ADK: variants seen among roughly 807,000 people sequenced by gnomAD.
ADK encodes the protein N6,N6-dimethyladenosine kinase.
ADK carries 24 observed loss-of-function variants against 44.7 expected under a neutral mutation model. The observed-to-expected ratio is 0.54, with a 90% CI of 0.39 to 0.76. The LOEUF (loss-of-function observed/expected upper bound fraction) is 0.76, where lower values mean the gene tolerates loss of function less well. ADK is among the 30% of genes least tolerant of loss of function. ADK has a pLI of 0.00. For synonymous variants in ADK, 128 were observed against 142.6 expected (o/e 0.90, Z 0.73); for missense variants, 321 against 425.1 (o/e 0.76, Z 2.15).
At chr10:74,516,403 A>C (rs1444012689) in intron 6 of ADK, among the ~76,000 whole-genome samples, 1 of 152,150 alleles carries the variant, frequency 6.6e-6, no homozygotes, top group East Asian at 1.9e-4. Context: ...CACTCCAGTC[A>C]AATCTTAGCT....
intron 7 of ADK, among the ~76,000 whole-genome samples, chr10:74,556,850 G>C (rs1850267591): frequency 6.6e-6 from 1 of 152,160 alleles, no homozygotes; most frequent in South Asian, 2.1e-4. Context: ...TCAGTGCCTG[G>C]TGGTATCAGG....
intron 3 of ADK, among the ~76,000 whole-genome samples, chr10:74,258,725 A>C (rs1390812445): frequency 6.6e-6 from 1 of 152,154 alleles, no homozygotes; most frequent in Non-Finnish European, 1.5e-5. Context: ...AAAATGAAGG[A>C]ATGTAGCTGT....
At chr10:74,687,554 G>A (rs557572299) in intron 10 of ADK, among the ~76,000 whole-genome samples, 68 of 152,268 alleles carry the variant, frequency 4.5e-4, no homozygotes, top group Non-Finnish European at 9.1e-4. Flanking sequence ...AGGGTAATAC[G>A]TGGATGGGCT....
At chr10:74,678,618 T>C (rs147765029) in intron 10 of ADK, among the ~76,000 whole-genome samples, 206 of 152,336 alleles carry the variant, frequency 1.4e-3, no homozygotes, top group African/African-American at 4.7e-3. Flanking sequence ...GCTATCAGAC[T>C]CCAAAGCTCA....
intron 7 of ADK, among the ~76,000 whole-genome samples, chr10:74,540,079 C>G (rs1195611466): frequency 6.6e-6 from 1 of 152,142 alleles, no homozygotes; most frequent in Non-Finnish European, 1.5e-5. Context: ...AGATGAAATG[C>G]TTTTAAATCA....
chr10:74,377,285 G>T (rs1442838811), intron 4 of ADK, among the ~76,000 whole-genome samples: 1 of 152,128 alleles, frequency 6.6e-6, no homozygotes, highest in African/African-American at 2.4e-5. Flanking sequence ...CCTGTAGGCT[G>T]GGAAGCACAG....
At chr10:74,503,088 G>A (rs536876275) in intron 6 of ADK, among the ~76,000 whole-genome samples, 1 of 152,132 alleles carries the variant, frequency 6.6e-6, no homozygotes, top group Admixed American at 6.5e-5. Flanking sequence ...TTTTAGTTCA[G>A]AGGTCAACAA....
chr10:74,480,967 TCTA>T (rs1847049693), intron 6 of ADK, among the ~76,000 whole-genome samples: 1 of 152,220 alleles, frequency 6.6e-6, no homozygotes, highest in Admixed American at 6.5e-5. Flanking sequence ...TTCCATTTCA[TCTA>T]CTTTCTCTCT....
intron 7 of ADK, among the ~76,000 whole-genome samples, chr10:74,566,734 A>G (rs1298339612): frequency 6.6e-6 from 1 of 152,176 alleles, no homozygotes; most frequent in Non-Finnish European, 1.5e-5. Context: ...GTTTTTCTTG[A>G]TGAGAGTTTA....
At chr10:74,366,432 T>A (rs978045745) in intron 4 of ADK, among the ~76,000 whole-genome samples, 3 of 152,104 alleles carry the variant, frequency 2.0e-5, no homozygotes, top group South Asian at 4.1e-4. Flanking sequence ...GTTTACTTTT[T>A]AAAAAAAATA....
chr10:74,312,914 CAAA>C (rs56052959), intron 3 of ADK, among the ~76,000 whole-genome samples: 16 of 37,830 alleles, frequency 4.2e-4, no homozygotes, highest in African/African-American at 1.5e-3. Context: ...ATTCTGTCTC[CAAA>C]AAAAAAAAAA....
chr10:74,279,972 G>A (rs1441471333), intron 3 of ADK, among the ~76,000 whole-genome samples: 1 of 152,112 alleles, frequency 6.6e-6, no homozygotes, highest in Non-Finnish European at 1.5e-5. Context: ...AGGCTGCAAT[G>A]AGTTATTATT....
chr10:74,573,952 C>A (rs7904773), intron 7 of ADK, among the ~76,000 whole-genome samples: 4 of 152,064 alleles, frequency 2.6e-5, no homozygotes, highest in Admixed American at 6.5e-5. Context: ...TGACCCCTTG[C>A]GCTTCCCGAG....
At chr10:74,422,723 G>C (rs1334400344) in intron 6 of ADK, among the ~76,000 whole-genome samples, 1 of 152,124 alleles carries the variant, frequency 6.6e-6, no homozygotes, top group Non-Finnish European at 1.5e-5. Flanking sequence ...ATATAAAATA[G>C]AGAAAAAGTC....
intron 10 of ADK, among the ~76,000 whole-genome samples, chr10:74,680,120 C>G (rs1391791491): frequency 6.6e-6 from 1 of 152,028 alleles, no homozygotes; most frequent in African/African-American, 2.4e-5. Flanking sequence ...CGAGACCATC[C>G]TGGCTAACAA....
At chr10:74,468,337 GT>G (rs986918209) in intron 6 of ADK, among the ~76,000 whole-genome samples, 6 of 152,126 alleles carry the variant, frequency 3.9e-5, no homozygotes, top group African/African-American at 1.4e-4. Context: ...GACTTTTATA[GT>G]TTTAATAAGT....
At chr10:74,643,572 GT>G (rs2134105471) in intron 9 of ADK, among the ~76,000 whole-genome samples, 1 of 152,114 alleles carries the variant, frequency 6.6e-6, no homozygotes, top group African/African-American at 2.4e-5. Flanking sequence ...CTATTTCAAA[GT>G]TTCTGTTTGT....
intron 7 of ADK, among the ~76,000 whole-genome samples, chr10:74,564,125 T>C (rs968679638): frequency 1.4e-5 from 2 of 146,368 alleles, no homozygotes; most frequent in East Asian, 4.4e-4. Context: ...TTCCCACCTA[T>C]GAGTGAGAAT....
At chr10:74,401,253 T>C (rs532332679) in intron 6 of ADK, among the ~76,000 whole-genome samples, 1 of 152,334 alleles carries the variant, frequency 6.6e-6, no homozygotes, top group East Asian at 1.9e-4. Context: ...AAATAATATT[T>C]CCTGGCATAG....
Sources: gnomAD v4.1 joint callset for allele counts (sites outside exome capture counted in the v4.1 genomes callset) on GRCh38, gnomAD v4.1.1 for gene constraint, MANE v1.5 for transcripts, NCBI Gene and HGNC (gene_info 2026-07-23, HGNC 2026-07-21) for gene names.